NKAIN2: variants seen among roughly 807,000 people sequenced by gnomAD.
The protein encoded by NKAIN2 is sodium/potassium transporting ATPase interacting 2, also known as sodium/potassium-transporting ATPase subunit beta-1-interacting protein 2.
NKAIN2 carries 14 observed loss-of-function variants against 32.6 expected under a neutral mutation model. The ratio of observed to expected loss-of-function variants is 0.43; its 90% CI spans 0.28 to 0.67. The LOEUF (loss-of-function observed/expected upper bound fraction) is 0.67, where lower values mean the gene tolerates loss of function less well. Among genes scored for constraint, NKAIN2 ranks in the 30% least tolerant of loss-of-function variants. The pLI is 0.17. For synonymous variants in NKAIN2, 80 were observed against 87.2 expected (o/e 0.92, Z 0.46); for missense variants, 198 against 258.3 (o/e 0.77, Z 1.60).
chr6:123,992,513 G>A (rs1388065806), intron 1 of NKAIN2, among the ~76,000 whole-genome samples: 6 of 152,176 alleles, frequency 3.9e-5, no homozygotes, highest in Non-Finnish European at 5.9e-5. Context: ...GAGTCCTCTT[G>A]AAGGCGAAGG....
intron 2 of NKAIN2, among the ~76,000 whole-genome samples, chr6:124,316,398 G>A (rs1398967990): frequency 6.6e-6 from 1 of 152,100 alleles, no homozygotes; most frequent in Non-Finnish European, 1.5e-5. Context: ...AGACACAGAT[G>A]ATTGATGGAT....
intron 1 of NKAIN2, among the ~76,000 whole-genome samples, chr6:123,931,381 T>C (rs1162585966): frequency 6.6e-6 from 1 of 152,182 alleles, no homozygotes; most frequent in Non-Finnish European, 1.5e-5. Flanking sequence ...GAAAAATGTA[T>C]GTGGTACTCT....
intron 1 of NKAIN2, among the ~76,000 whole-genome samples, chr6:124,231,004 A>G (rs802303): frequency 0.57 from 87,443 of 152,146 alleles, 27,733 homozygotes; most frequent in South Asian, 0.72. Context: ...CAGACACTCA[A>G]TGCCAGACAG....
intron 1 of NKAIN2, among the ~76,000 whole-genome samples, chr6:123,859,380 A>G (rs557149012): frequency 3.3e-4 from 50 of 152,278 alleles, no homozygotes; most frequent in Admixed American, 5.9e-4. Flanking sequence ...TAACAGTCAT[A>G]TTGCAATGAG....
intron 1 of NKAIN2, among the ~76,000 whole-genome samples, chr6:124,253,440 AG>A (rs1215878251): frequency 6.6e-6 from 1 of 152,172 alleles, no homozygotes; most frequent in Non-Finnish European, 1.5e-5. Context: ...CTCCATATGA[AG>A]GGATTAAAAA....
chr6:124,139,079 A>ATTTTTTTTTT (rs900247440), intron 1 of NKAIN2, among the ~76,000 whole-genome samples: 1,009 of 99,364 alleles, frequency 0.01, 36 homozygotes, highest in African/African-American at 0.017. Context: ...TTAAATAAAA[A>ATTTTTTTTTT]TTTTTTTTTT....
At chr6:124,474,913 TA>T in intron 3 of NKAIN2, among the ~76,000 whole-genome samples, 1 of 121,894 alleles carries the variant, frequency 8.2e-6, no homozygotes, top group African/African-American at 2.7e-5. Flanking sequence ...TATTATATAC[TA>T]TATATGTATG....
chr6:123,876,607 A>G (rs1315149968), intron 1 of NKAIN2, among the ~76,000 whole-genome samples: 1 of 152,322 alleles, frequency 6.6e-6, no homozygotes, highest in East Asian at 1.9e-4. Context: ...TAGGGAGTCC[A>G]GTGCCAGTCT....
At chr6:124,581,950 T>C (rs1056040609) in intron 3 of NKAIN2, among the ~76,000 whole-genome samples, 4 of 151,832 alleles carry the variant, frequency 2.6e-5, no homozygotes, top group Admixed American at 2.6e-4. Context: ...TAACAATGCA[T>C]CTTAAATAAA....
At chr6:124,097,527 C>T (rs1784697564) in intron 1 of NKAIN2, among the ~76,000 whole-genome samples, 1 of 151,964 alleles carries the variant, frequency 6.6e-6, no homozygotes, top group Non-Finnish European at 1.5e-5. Context: ...AGTAGCCTGT[C>T]ATTTTGCTAT....
chr6:123,966,886 A>C (rs568181287), intron 1 of NKAIN2, among the ~76,000 whole-genome samples: 2 of 152,310 alleles, frequency 1.3e-5, no homozygotes, highest in East Asian at 3.9e-4. Context: ...TCCAGCTCTC[A>C]TGACATTTCC....
intron 4 of NKAIN2, among the ~76,000 whole-genome samples, chr6:124,685,103 AT>A (rs1385731592): frequency 6.6e-6 from 1 of 152,172 alleles, no homozygotes; most frequent in Non-Finnish European, 1.5e-5. Context: ...ATTGGAAGTC[AT>A]TTGTTTACAT....
chr6:124,332,967 C>G (rs1157308268), intron 2 of NKAIN2, among the ~76,000 whole-genome samples: 1 of 152,148 alleles, frequency 6.6e-6, no homozygotes, highest in Non-Finnish European at 1.5e-5. Context: ...AAGACTTAAA[C>G]TCAGGTCTCC....
At chr6:124,052,479 C>T (rs543430145) in intron 1 of NKAIN2, among the ~76,000 whole-genome samples, 2 of 152,000 alleles carry the variant, frequency 1.3e-5, no homozygotes, top group Non-Finnish European at 2.9e-5. Flanking sequence ...GTCTTCTTTT[C>T]CAAGTGTGTT....
chr6:124,476,127 G>A (rs1253766051), intron 3 of NKAIN2, among the ~76,000 whole-genome samples: 1 of 145,440 alleles, frequency 6.9e-6, no homozygotes, highest in African/African-American at 2.5e-5. Context: ...TGTAAAGGAT[G>A]CACAGGAAAA....
intron 3 of NKAIN2, among the ~76,000 whole-genome samples, chr6:124,477,584 T>C (rs1777271005): frequency 6.6e-6 from 1 of 151,488 alleles, no homozygotes; most frequent in Non-Finnish European, 1.5e-5. Context: ...TAATATCTCT[T>C]TCCTCCCCCT....
intron 1 of NKAIN2, among the ~76,000 whole-genome samples, chr6:124,140,084 T>TACTGAAACTCTTTAA (rs1787059970): frequency 6.6e-6 from 1 of 152,168 alleles, no homozygotes; most frequent in South Asian, 2.1e-4. Context: ...AAACTGGCAG[T>TACTGAAACTCTTTAA]ACTGAAACTC....
In NKAIN2 at chr6:124,706,983, G is replaced by A. The variant is rs1484768796; in HGVS notation, c.474+48597G>A. Among the ~76,000 whole-genome samples, 8 of 147,346 alleles carry A rather than the reference G, an allele frequency of 5.4e-5. No individual in the cohort carries two copies. The East Asian group carries it at 8.0e-4, about 15-fold the overall frequency. On this transcript the variant is annotated intron_variant, in intron 4 of 6. Coordinates refer to ENST00000368417, the MANE Select transcript of NKAIN2 (RefSeq NM_001040214.3). ...ATTAGTATATCTCCCAATGCTATCC[G>A]TCCCCCCTCCCCCCACCCCACCACA...
rs5879707 is a variant in NKAIN2 at position 123,932,770 on chromosome 6, C to CTT, written c.54+128529_54+128530dup. ...TCATCGAGGTTTTAACGTTTGGGGA[C>CTT]TTTTTTTTTTTTTTAATTTCTCCCT... is the stretch of plus-strand genomic sequence containing the variant. On this transcript the variant is annotated intron_variant, in intron 1 of 6. Coordinates refer to ENST00000368417, the MANE Select transcript of NKAIN2 (RefSeq NM_001040214.3). Among the ~76,000 whole-genome samples the CTT allele has an allele frequency of 2.3e-3, 317 of 138,678 alleles. 4 individuals carry two copies. The highest frequency in any genetic ancestry group is 7.8e-3 in the Middle Eastern group (2 of 258). The allele number at this position is 138,678 out of a possible 152,430, so 91.0% of individuals were successfully genotyped here.
Sources: gnomAD v4.1 joint callset for allele counts (sites outside exome capture counted in the v4.1 genomes callset) on GRCh38, gnomAD v4.1.1 for gene constraint, MANE v1.5 for transcripts, NCBI Gene and HGNC (gene_info 2026-07-23, HGNC 2026-07-21) for gene names.